RAD51: variants seen among roughly 807,000 people sequenced by gnomAD.
RAD51 encodes the protein RAD51 recombinase.
RAD51 carries 14 observed loss-of-function variants against 41.5 expected under a neutral mutation model. That is an observed-to-expected ratio of 0.34 (90% CI 0.22 to 0.53). The LOEUF (loss-of-function observed/expected upper bound fraction) is 0.53. RAD51 is among the 20% of genes least tolerant of loss of function. RAD51 has a pLI of 0.95. For synonymous variants in RAD51, 136 were observed against 148.6 expected, an observed-to-expected ratio of 0.92 and a Z score of 0.62; for missense variants, 234 against 422.0, an observed-to-expected ratio of 0.55 and a Z score of 3.90.
intron 2 of RAD51, 135 bp from the exon 3 acceptor site, chr15:40,700,929 G>GCC: frequency 3.4e-6 from 1 of 296,794 alleles, no homozygotes. Context: ...ATCTCCCCCC[G>GCC]CCCCCCCAAG....
intron 9 of RAD51, 134 bp downstream of exon 9, chr15:40,730,108 A>G (rs1896791784): frequency 1.6e-6 from 2 of 1,253,696 alleles, no homozygotes; most frequent in Non-Finnish European, 2.3e-6. Context: ...TGCTAATCTA[A>G]TTAACATGCT....
At chr15:40,711,612 C>T (rs1187747783) in intron 5 of RAD51, among the ~76,000 whole-genome samples, 1 of 152,108 alleles carries the variant, frequency 6.6e-6, no homozygotes, top group Non-Finnish European at 1.5e-5. Context: ...GACCAGACTT[C>T]TGAAGAATGC....
intron 6 of RAD51, among the ~76,000 whole-genome samples, chr15:40,725,896 G>T (rs188275786): frequency 7.2e-5 from 11 of 152,204 alleles, no homozygotes; most frequent in African/African-American, 2.6e-4. Flanking sequence ...TGAGGCAGGA[G>T]AATCACTTGA....
At chr15:40,710,714 A>T (rs531490351) in intron 5 of RAD51, among the ~76,000 whole-genome samples, 1 of 152,218 alleles carries the variant, frequency 6.6e-6, no homozygotes, top group East Asian at 1.9e-4. Context: ...CCAAAAACCT[A>T]ACCTGCTCTT....
Position 40,728,836 on chromosome 15 carries a change from G to T in RAD51, c.644+12G>T. 6.3e-7 allele frequency: 1 copy of T among 1,589,794 alleles called. No homozygotes were observed. Among genetic ancestry groups the T allele is most frequent in the Non-Finnish European group, 8.6e-7 (1 of 1,157,858 alleles). On this transcript the variant is annotated intron_variant, in intron 7 of 9. Transcript: ENST00000267868. Reference sequence around the variant, plus strand: ...ATGGTAGAATCTAGGTATGTGTTCAGTATAAGACACCAAATATGTTCTTAA... The same window carrying T: ...ATGGTAGAATCTAGGTATGTGTTCATTATAAGACACCAAATATGTTCTTAA...
At chr15:40,699,648 G>A (rs1894861046) in intron 2 of RAD51, among the ~76,000 whole-genome samples, 2 of 152,292 alleles carry the variant, frequency 1.3e-5, no homozygotes, top group African/African-American at 2.4e-5. Flanking sequence ...TAGCGGCCTG[G>A]ACCAGTTATG....
At chr15:40,718,057 C>A (rs1377918160) in intron 5 of RAD51, among the ~76,000 whole-genome samples, 1 of 151,764 alleles carries the variant, frequency 6.6e-6, no homozygotes, top group Non-Finnish European at 1.5e-5. Context: ...TGTGGCAAAA[C>A]CCTATCTATA....
At chr15:40,701,252 A>C (rs779376797) in intron 3 of RAD51, 51 bp downstream of exon 3, 2 of 1,591,886 alleles carry the variant, frequency 1.3e-6, no homozygotes, top group Non-Finnish European at 1.7e-6. Flanking sequence ...ATAGTACAAA[A>C]GGGAATGTAG....
intron 5 of RAD51, among the ~76,000 whole-genome samples, chr15:40,710,371 A>G (rs1204778607): frequency 6.7e-6 from 1 of 149,106 alleles, no homozygotes; most frequent in Non-Finnish European, 1.5e-5. Flanking sequence ...GCGTGTTGGC[A>G]CGTGCCTGTA....
intron 6 of RAD51, among the ~76,000 whole-genome samples, chr15:40,727,874 T>G (rs1896666016): frequency 6.6e-6 from 1 of 151,276 alleles, no homozygotes; most frequent in Non-Finnish European, 1.5e-5. Flanking sequence ...TTTTTTTTTT[T>G]TTTGAGATGG....
At chr15:40,700,927 C>G (rs1894945509) in intron 2 of RAD51, 137 bp from the exon 3 acceptor site, 3 of 809,080 alleles carry the variant, frequency 3.7e-6, no homozygotes, top group African/African-American at 1.8e-5. Context: ...CCATCTCCCC[C>G]CGCCCCCCCA....
At chr15:40,730,746 TCTC>T (rs1369204717) in intron 9 of RAD51, among the ~76,000 whole-genome samples, 2 of 151,726 alleles carry the variant, frequency 1.3e-5, no homozygotes, top group African/African-American at 2.4e-5. Context: ...ATGGTCTCGA[TCTC>T]CTGACCTCGT....
At chr15:40,697,877 C>T (rs1356378757) in intron 1 of RAD51, among the ~76,000 whole-genome samples, 1 of 152,176 alleles carries the variant, frequency 6.6e-6, no homozygotes, top group Non-Finnish European at 1.5e-5. Flanking sequence ...TACATATATA[C>T]ATTGTATAAT....
chr15:40,701,008 T>G (rs1595979388), intron 2 of RAD51, 56 bp from the exon 3 acceptor site: 1 of 1,557,672 alleles, frequency 6.4e-7, no homozygotes, highest in African/African-American at 1.4e-5. Context: ...ACATAACATC[T>G]GTGTTAGATT....
At chr15:40,705,686 G>T (rs1276371590) in intron 3 of RAD51, among the ~76,000 whole-genome samples, 12 of 152,078 alleles carry the variant, frequency 7.9e-5, no homozygotes, top group Non-Finnish European at 1.6e-4. Flanking sequence ...CTCACTGCAA[G>T]CTCCGCCTCC....
At chr15:40,706,731 C>T (rs1895367173) in intron 4 of RAD51, among the ~76,000 whole-genome samples, 1 of 152,110 alleles carries the variant, frequency 6.6e-6, no homozygotes, top group African/African-American at 2.4e-5. Context: ...GAAGTATCCA[C>T]ATTGAAGAGG....
At chr15:40,727,547 C>T (rs1052844719) in intron 6 of RAD51, among the ~76,000 whole-genome samples, 1 of 152,146 alleles carries the variant, frequency 6.6e-6, no homozygotes, top group Admixed American at 6.6e-5. Flanking sequence ...AACTCCTGAT[C>T]TCAAGTGATC....
chr15:40,715,763 AG>A (rs1895956625), intron 5 of RAD51, among the ~76,000 whole-genome samples: 1 of 152,174 alleles, frequency 6.6e-6, no homozygotes, highest in African/African-American at 2.4e-5. Context: ...TCCTTTGCCA[AG>A]GAAGTCTATT....
At position 40,706,104 on chromosome 15, in the gene RAD51, TA is replaced by T. The variant is rs55943660; in HGVS notation, c.226-72del. 0.08 allele frequency: 86,525 copies of T among 1,075,088 alleles called. 3,695 individuals are homozygous for T. The highest frequency in any genetic ancestry group is 0.12 in the South Asian group (9,324 of 76,754). 66.6% of individuals were successfully genotyped at this position (1,075,088 alleles called of 1,614,324 possible). A position where few individuals can be genotyped will look rare whatever the true frequency, so the allele number is the denominator to read the frequency against. On this transcript the variant is annotated intron_variant, in intron 3 of 9. Coordinates refer to ENST00000267868, the MANE Select transcript of RAD51 (RefSeq NM_002875.5). ...CTAATATTTCTTTTTTCTTTATATATATTTTTTTGCCATCAAGATCACTGTG... is the reference window on the plus strand; with the variant it reads ...CTAATATTTCTTTTTTCTTTATATATTTTTTTTGCCATCAAGATCACTGTG...
Sources: gnomAD v4.1 joint callset for allele counts (sites outside exome capture counted in the v4.1 genomes callset) on GRCh38, gnomAD v4.1.1 for gene constraint, MANE v1.5 for transcripts, NCBI Gene and HGNC (gene_info 2026-07-23, HGNC 2026-07-21) for gene names.